HNRNPUL1: variants seen among roughly 807,000 people sequenced by gnomAD.
HNRNPUL1 encodes heterogeneous nuclear ribonucleoprotein U-like protein 1.
A neutral mutation model predicts 108.5 loss-of-function variants in HNRNPUL1; 14 were observed. The ratio of observed to expected loss-of-function variants is 0.13; its 90% CI spans 0.09 to 0.20. The LOEUF is 0.20. HNRNPUL1 is among the 10% of genes least tolerant of loss of function. The pLI is 1.00. For synonymous variants in HNRNPUL1, 422 were observed against 445.2 expected, an observed-to-expected ratio of 0.95 and a Z score of 0.66; for missense variants, 804 against 1,168.3, an observed-to-expected ratio of 0.69 and a Z score of 4.55.
rs571111017 is a variant in HNRNPUL1 at position 41,301,044 on chromosome 19, T to C, written c.1519-492T>C. On this transcript the variant is annotated intron_variant, in intron 10 of 14. Coordinates refer to ENST00000392006, the MANE Select transcript of HNRNPUL1 (RefSeq NM_007040.6). The stretch of plus-strand genomic sequence containing the variant: ...AAGTTTCACGTTACATGAAAAAGCC[T>C]CAGGAGGATGTGCATAATACAATTC... Among the ~76,000 whole-genome samples the C allele has an allele frequency of 1.8e-4, 27 of 152,300 alleles. No homozygotes were observed. The East Asian group carries it at 5.2e-3, about 29-fold the overall frequency.
At chr19:41,289,256 G>T (rs1223742592) in intron 7 of HNRNPUL1, among the ~76,000 whole-genome samples, 1 of 152,214 alleles carries the variant, frequency 6.6e-6, no homozygotes, top group Non-Finnish European at 1.5e-5. Flanking sequence ...AAGGCTCAGG[G>T]TGAGGAGTTG....
chr19:41,293,568 C>G lies in HNRNPUL1; in HGVS notation c.1267-770C>G, dbSNP rs572683495. Among the ~76,000 whole-genome samples, 5 of 152,294 alleles carry G rather than the reference C, an allele frequency of 3.3e-5. No homozygotes were observed. In the East Asian group the frequency reaches 9.7e-4, roughly 29 times the overall value. The stretch of plus-strand genomic sequence containing the variant: ...CTAAATGTACTGATTAGATACAATT[C>G]ATGTCCTTGTGTGTGCAGCTCTGTT... On this transcript the variant is annotated intron_variant, in intron 8 of 14. Transcript: ENST00000392006.
chr19:41,294,011 A>C lies in HNRNPUL1; in HGVS notation c.1267-327A>C, dbSNP rs529293729. On this transcript the variant is annotated intron_variant, in intron 8 of 14. Coordinates refer to ENST00000392006, the MANE Select transcript of HNRNPUL1 (RefSeq NM_007040.6). The surrounding 1 kb of genome is among the most constrained non-coding windows in gnomAD (Gnocchi z 4.3). ...AATAGAGTGAGACCCTGTCTCAAAAAAACAAAATACTATAAATGCTAATGA... is the reference window on the plus strand; with the variant it reads ...AATAGAGTGAGACCCTGTCTCAAAACAACAAAATACTATAAATGCTAATGA... 6.6e-6 allele frequency among the ~76,000 whole-genome samples: 1 copy of C among 152,276 alleles called. No homozygotes were observed. Among genetic ancestry groups the C allele is most frequent in the South Asian group, 2.1e-4 (1 of 4,826 alleles).
intron 7 of HNRNPUL1, among the ~76,000 whole-genome samples, chr19:41,287,496 T>G (rs2036305191): frequency 6.6e-6 from 1 of 152,162 alleles, no homozygotes; most frequent in Non-Finnish European, 1.5e-5. Flanking sequence ...TTGCCATGTG[T>G]CTTTAGTTTC....
chr19:41,277,119 AAAAC>A (rs1442458219), intron 5 of HNRNPUL1, among the ~76,000 whole-genome samples: 2 of 151,814 alleles, frequency 1.3e-5, no homozygotes, highest in Non-Finnish European at 2.9e-5. Flanking sequence ...CAAAAAAACA[AAAAC>A]AAAAAAAACA....
At chr19:41,296,584 C>T (rs1280794394) in intron 10 of HNRNPUL1, among the ~76,000 whole-genome samples, 1 of 152,160 alleles carries the variant, frequency 6.6e-6, no homozygotes, top group African/African-American at 2.4e-5. Context: ...CTGTTTTGGC[C>T]TAAACCCCAA....
At chr19:41,304,607 C>T (rs548282767) in intron 13 of HNRNPUL1, among the ~76,000 whole-genome samples, 2 of 152,372 alleles carry the variant, frequency 1.3e-5, no homozygotes, top group African/African-American at 4.8e-5. Context: ...AAGCACTTGA[C>T]TGGAGTCACC....
Position 41,294,316 on chromosome 19 carries a change from C to T in HNRNPUL1, c.1267-22C>T. 1 of 1,613,102 alleles carries T rather than the reference C, an allele frequency of 6.2e-7. No individual in the cohort carries two copies. The highest frequency in any genetic ancestry group is 8.5e-7 in the Non-Finnish European group (1 of 1,179,328). On this transcript the variant is annotated intron_variant, in intron 8 of 14. Coordinates refer to ENST00000392006, the MANE Select transcript of HNRNPUL1 (RefSeq NM_007040.6). This position sits in a 1 kb window ranked among gnomAD's most constrained non-coding sequence, Gnocchi z 4.3. ...GTGCCATACCACCATGCCGCAACAC[C>T]TTCCCTGTCTTGTTCTTGTAGATTC...
intron 4 of HNRNPUL1, among the ~76,000 whole-genome samples, chr19:41,275,638 C>G (rs1390136447): frequency 1.3e-5 from 2 of 152,212 alleles, no homozygotes; most frequent in East Asian, 3.8e-4. Flanking sequence ...CAGTTCCTCT[C>G]TGAGGTCATA....
chr19:41,284,968 C>T (rs1031013131), intron 7 of HNRNPUL1, among the ~76,000 whole-genome samples: 3 of 149,078 alleles, frequency 2.0e-5, no homozygotes, highest in Non-Finnish European at 3.0e-5. Context: ...TGTACTCCCG[C>T]CTGGGTAACA....
Position 41,306,626 on chromosome 19 carries a change from G to A in HNRNPUL1, c.*61G>A, listed in dbSNP as rs2037566464. The A allele has an allele frequency of 9.0e-7, 1 of 1,109,444 alleles. No individual in the cohort carries two copies. The allele number at this position is 1,109,444 out of a possible 1,614,324, so 68.7% of individuals were successfully genotyped here. On this transcript the variant is annotated 3_prime_UTR_variant, in exon 15 of 15. Transcript: ENST00000392006. ...GGCTTCCTCCACCAGCGCCTGCCTC[G>A]GCCCCTCCTCTGCCCCCGCCAGATC...
chr19:41,278,115 A>G (rs759891617), intron 5 of HNRNPUL1, among the ~76,000 whole-genome samples: 4 of 152,106 alleles, frequency 2.6e-5, no homozygotes, highest in Non-Finnish European at 5.9e-5. Context: ...GCTAGAATAC[A>G]GTGGCGCAAT....
At chr19:41,267,905 A>G (rs973597406) in intron 1 of HNRNPUL1, among the ~76,000 whole-genome samples, 2 of 152,182 alleles carry the variant, frequency 1.3e-5, no homozygotes, top group Non-Finnish European at 2.9e-5. Flanking sequence ...TATCCTTTGA[A>G]TCAAGGCTTA....
At chr19:41,283,276 C>G (rs1568441731) in intron 7 of HNRNPUL1, among the ~76,000 whole-genome samples, 3 of 152,024 alleles carry the variant, frequency 2.0e-5, no homozygotes, top group Admixed American at 6.6e-5. Flanking sequence ...TAAATCATAA[C>G]TGTTTTTATT....
chr19:41,288,186 G>C (rs2036361122), intron 7 of HNRNPUL1, among the ~76,000 whole-genome samples: 2 of 123,732 alleles, frequency 1.6e-5, no homozygotes, highest in Admixed American at 1.7e-4. Flanking sequence ...GAACCCACTG[G>C]TACTCGGGGT....
intron 1 of HNRNPUL1, chr19:41,265,221 G>T: frequency 6.6e-7 from 1 of 1,520,000 alleles, no homozygotes; most frequent in South Asian, 1.2e-5. Flanking sequence ...TGGGCTGGGG[G>T]GTGGGGAGCC....
chr19:41,282,734 G>C (rs2035974539), intron 7 of HNRNPUL1, among the ~76,000 whole-genome samples: 1 of 146,350 alleles, frequency 6.8e-6, no homozygotes, highest in Non-Finnish European at 1.5e-5. Flanking sequence ...CTGTCGCCCA[G>C]GCTGGAGTGC....
intron 3 of HNRNPUL1, 50 bp downstream of exon 3, chr19:41,272,285 C>G (rs111859909): frequency 1.9e-5 from 30 of 1,579,246 alleles, no homozygotes; most frequent in African/African-American, 9.5e-5. Flanking sequence ...TTTCTATATC[C>G]ATAGCCTCGT....
intron 6 of HNRNPUL1, among the ~76,000 whole-genome samples, chr19:41,279,640 C>T (rs957695244): frequency 2.4e-4 from 36 of 152,250 alleles, no homozygotes; most frequent in African/African-American, 7.9e-4. Flanking sequence ...TTGAATTTTG[C>T]GGGTCCCCAG....
Sources: gnomAD v4.1 joint callset for allele counts (sites outside exome capture counted in the v4.1 genomes callset) on GRCh38, gnomAD v4.1.1 for gene constraint, Gnocchi (gnomAD v3.1) non-coding constraint, MANE v1.5 for transcripts, NCBI Gene and HGNC (gene_info 2026-07-23, HGNC 2026-07-21) for gene names.